The following ANKS1B variants were observed in gnomAD, a reference collection of about 807,000 sequenced individuals.
ANKS1B encodes the protein ankyrin repeat and sterile alpha motif domain containing 1B, also known as ankyrin repeat and sterile alpha motif domain-containing protein 1B.
A neutral mutation model predicts 148.3 loss-of-function variants in ANKS1B; 36 were observed. That is an observed-to-expected ratio of 0.24 (90% CI 0.19 to 0.32). ANKS1B has a LOEUF of 0.32. Ranked by LOEUF, ANKS1B falls within the 10% of genes least tolerant of loss-of-function variation. The pLI is 1.00. For missense variants in ANKS1B, 1,157 were observed against 1,542.6 expected (o/e 0.75, Z 4.19); for synonymous variants, 542 against 560.8 (o/e 0.97, Z 0.47).
intron 1 of ANKS1B, among the ~76,000 whole-genome samples, chr12:99,856,881 C>G (rs889930519): frequency 6.6e-6 from 1 of 152,070 alleles, no homozygotes; most frequent in African/African-American, 2.4e-5. Flanking sequence ...AAGGGACATA[C>G]CTTAAAGTAA....
At chr12:98,821,379 C>T (rs139234478) in intron 19 of ANKS1B, among the ~76,000 whole-genome samples, 87 of 152,332 alleles carry the variant, frequency 5.7e-4, no homozygotes, top group African/African-American at 1.9e-3. Context: ...CTAGCAGCAG[C>T]GGCCTGGCTG....
At chr12:99,173,278 A>G (rs2077996123) in intron 14 of ANKS1B, among the ~76,000 whole-genome samples, 2 of 152,210 alleles carry the variant, frequency 1.3e-5, no homozygotes, top group Non-Finnish European at 2.9e-5. Context: ...CTTATAAATC[A>G]GAAGCCAGAA....
chr12:99,608,019 A>G (rs1480383164), intron 9 of ANKS1B, among the ~76,000 whole-genome samples: 1 of 152,092 alleles, frequency 6.6e-6, no homozygotes, highest in Admixed American at 6.6e-5. Context: ...TCAGGAGTCC[A>G]TTCAAAATAA....
At chr12:99,436,920 T>C (rs1379451355) in intron 11 of ANKS1B, among the ~76,000 whole-genome samples, 2 of 152,040 alleles carry the variant, frequency 1.3e-5, no homozygotes, top group African/African-American at 4.8e-5. Context: ...CTTTTTGCTA[T>C]GGTCCCTCCT....
chr12:99,258,318 A>C (rs2075522834), intron 12 of ANKS1B, among the ~76,000 whole-genome samples: 1 of 152,130 alleles, frequency 6.6e-6, no homozygotes, highest in South Asian at 2.1e-4. Flanking sequence ...CAAATAAAGC[A>C]AATCCTTTTA....
At chr12:98,846,146 T>C (rs1402619885) in intron 17 of ANKS1B, among the ~76,000 whole-genome samples, 2 of 152,148 alleles carry the variant, frequency 1.3e-5, no homozygotes, top group East Asian at 1.9e-4. Flanking sequence ...TGTAGACTAT[T>C]TGTCACTGGG....
At chr12:99,544,397 C>T (rs1223929317) in intron 9 of ANKS1B, among the ~76,000 whole-genome samples, 2 of 152,120 alleles carry the variant, frequency 1.3e-5, no homozygotes, top group Non-Finnish European at 2.9e-5. Flanking sequence ...CCTACCCGGA[C>T]TCTGGTTCCT....
intron 4 of ANKS1B, among the ~76,000 whole-genome samples, chr12:99,789,774 GC>G (rs2153642310): frequency 6.6e-6 from 1 of 152,096 alleles, no homozygotes; most frequent in East Asian, 1.9e-4. Flanking sequence ...CAGCCATACC[GC>G]CCCAAACGCA....
At chr12:99,791,315 A>AGATAGACC (rs1297159382) in intron 4 of ANKS1B, among the ~76,000 whole-genome samples, 1 of 152,044 alleles carries the variant, frequency 6.6e-6, no homozygotes, top group African/African-American at 2.4e-5. Flanking sequence ...ATAGACCTAA[A>AGATAGACC]TACAATAATA....
intron 8 of ANKS1B, among the ~76,000 whole-genome samples, chr12:99,686,964 T>C (rs555512507): frequency 9.2e-5 from 14 of 152,292 alleles, no homozygotes; most frequent in Non-Finnish European, 8.8e-5. Context: ...AAACTTTCCA[T>C]CTGATATCAT....
intron 8 of ANKS1B, among the ~76,000 whole-genome samples, chr12:99,671,673 A>C (rs182536525): frequency 1.3e-5 from 2 of 152,288 alleles, no homozygotes; most frequent in Admixed American, 1.3e-4. Context: ...GAAGCATTTT[A>C]TATTGAAAAT....
At chr12:98,777,186 C>T (rs938005743) in intron 24 of ANKS1B, among the ~76,000 whole-genome samples, 3 of 152,136 alleles carry the variant, frequency 2.0e-5, no homozygotes, top group African/African-American at 7.2e-5. Flanking sequence ...GAGTGAGACC[C>T]TGTCTCTTAA....
chr12:99,238,281 G>A (rs961700198), intron 14 of ANKS1B, among the ~76,000 whole-genome samples: 5 of 152,240 alleles, frequency 3.3e-5, no homozygotes, highest in Non-Finnish European at 4.4e-5. Flanking sequence ...CACACCCACG[G>A]ATCCTTGCTC....
chr12:99,403,922 C>A (rs1487864820), intron 11 of ANKS1B, among the ~76,000 whole-genome samples: 2 of 146,296 alleles, frequency 1.4e-5, no homozygotes, highest in Non-Finnish European at 3.0e-5. Flanking sequence ...TGGAATCAAT[C>A]TAAATGCCCA....
chr12:99,935,256 A>G (rs1177692986), intron 1 of ANKS1B, among the ~76,000 whole-genome samples: 2 of 151,818 alleles, frequency 1.3e-5, no homozygotes, highest in Non-Finnish European at 1.5e-5. Context: ...ACACCTGACT[A>G]TAGCCACAAA....
intron 8 of ANKS1B, among the ~76,000 whole-genome samples, chr12:99,734,704 C>T (rs528328128): frequency 1.3e-5 from 2 of 152,336 alleles, no homozygotes; most frequent in South Asian, 4.1e-4. Context: ...AAAGTAGGTG[C>T]TGTATCAGCT....
intron 16 of ANKS1B, among the ~76,000 whole-genome samples, chr12:99,057,284 C>T (rs1182922884): frequency 6.6e-6 from 1 of 152,110 alleles, no homozygotes; most frequent in Non-Finnish European, 1.5e-5. Flanking sequence ...ATAAAAATTG[C>T]CTAGCACAGT....
At chr12:99,797,223 A>T (rs1415224547) in intron 4 of ANKS1B, among the ~76,000 whole-genome samples, 1 of 151,938 alleles carries the variant, frequency 6.6e-6, no homozygotes, top group Non-Finnish European at 1.5e-5. Flanking sequence ...GCCAAGGTGT[A>T]AAGTAAGATT....
intron 14 of ANKS1B, chr12:99,155,116 G>A (rs1290611239): frequency 2.4e-5 from 36 of 1,503,802 alleles, no homozygotes; most frequent in Middle Eastern, 2.0e-4. Flanking sequence ...GGAATTTTAC[G>A]TTTCAAAAGA....
Sources: allele counts gnomAD v4.1 joint callset (sites outside exome capture counted in the v4.1 genomes callset), GRCh38; gene constraint gnomAD v4.1.1; transcripts MANE v1.5; gene names NCBI Gene and HGNC (gene_info 2026-07-23, HGNC 2026-07-21).